DNAH11: variants seen among roughly 807,000 people sequenced by gnomAD.
DNAH11 encodes the protein axonemal beta dynein heavy chain 11.
Under a neutral mutation model 526.0 loss-of-function variants are expected in DNAH11, and 442 were observed. The ratio of observed to expected loss-of-function variants is 0.84; its 90% CI spans 0.78 to 0.91. The LOEUF (loss-of-function observed/expected upper bound fraction) is 0.91. DNAH11 is among the 40% of genes least tolerant of loss of function. The pLI is 0.00. For missense variants in DNAH11, 6,989 were observed against 5,448.7 expected (o/e 1.28, Z -8.90); for synonymous variants, 2,461 against 1,935.9 (o/e 1.27, Z -7.12).
At chr7:21,777,174 T>A (rs1025273671) in intron 56 of DNAH11, among the ~76,000 whole-genome samples, 2 of 152,222 alleles carry the variant, frequency 1.3e-5, no homozygotes, top group South Asian at 2.1e-4. Flanking sequence ...AAAAATGCTA[T>A]ACAAATATGT....
At chr7:21,884,952 A>G (rs536227192) in intron 76 of DNAH11, among the ~76,000 whole-genome samples, 40 of 152,102 alleles carry the variant, frequency 2.6e-4, no homozygotes, top group Non-Finnish European at 3.8e-4. Context: ...AATGTGGTCA[A>G]TATGTATGTG....
At chr7:21,797,734 T>G (rs563582630) in intron 61 of DNAH11, among the ~76,000 whole-genome samples, 4 of 152,314 alleles carry the variant, frequency 2.6e-5, no homozygotes, top group African/African-American at 9.6e-5. Flanking sequence ...TAGTACTTAT[T>G]CCTGGTGAAC....
At chr7:21,570,439 C>T in intron 7 of DNAH11, 140 bp downstream of exon 7, 1 of 652,794 alleles carries the variant, frequency 1.5e-6, no homozygotes, top group Non-Finnish European at 2.5e-6. Flanking sequence ...AGGAGCTCAG[C>T]AGGCCAATGC....
In DNAH11 at chr7:21,543,408, C is replaced by G; in HGVS notation, c.163C>G (p.Gln55Glu). 1 of 1,553,876 alleles carries G rather than the reference C, an allele frequency of 6.4e-7. No individual in the cohort carries two copies. The highest frequency in any genetic ancestry group is 8.7e-7 in the Non-Finnish European group (1 of 1,148,028). The change falls in exon 1 of 82, where the codon CAA becomes GAA. Residue 55 changes from glutamine to glutamate, a missense_variant. By Grantham distance (29) the Gln-to-Glu change is conservative. Coordinates refer to ENST00000409508, the MANE Select transcript of DNAH11 (RefSeq NM_001277115.2). ...AAARRARSFA[Q>E]DARVRFLGGR... ...GGCCAGGAGAGCGCGGAGTTTCGCC[C>G]AAGACGCGCGGGTGCGCTTCCTCGG...
intron 65 of DNAH11, among the ~76,000 whole-genome samples, chr7:21,837,414 T>A (rs1407537430): frequency 6.6e-6 from 1 of 152,190 alleles, no homozygotes. Context: ...AATAAAATCC[T>A]GTAATTTGTG....
chr7:21,691,167 AT>A lies in DNAH11; in HGVS notation c.6041+296del, dbSNP rs939874805. ...TTTATTATAAACATAATCTTTCATA[AT>A]TTTTTTTTTCTTTTTTTTTTTTTAA... On this transcript the variant is annotated intron_variant, in intron 35 of 81. Transcript: ENST00000409508. Among the ~76,000 whole-genome samples, 357 of 121,850 alleles carry A rather than the reference AT, an allele frequency of 2.9e-3. 1 individual carries two copies. The highest frequency in any genetic ancestry group is 0.019 in the Middle Eastern group (5 of 260). The allele number at this position is 121,850 out of a possible 152,430, so 79.9% of individuals were successfully genotyped here. A position where few individuals can be genotyped will look rare whatever the true frequency, so the allele number is the denominator to read the frequency against.
intron 66 of DNAH11, among the ~76,000 whole-genome samples, chr7:21,843,160 C>T (rs1361493082): frequency 6.6e-6 from 1 of 152,038 alleles, no homozygotes; most frequent in Non-Finnish European, 1.5e-5. Flanking sequence ...ACATTCATGG[C>T]CTTAAGTATA....
chr7:21,638,953 A>C lies in DNAH11; in HGVS notation c.4832A>C (p.Glu1611Ala). 6.2e-7 allele frequency: 1 copy of C among 1,609,774 alleles called. No individual in the cohort carries two copies. The highest frequency in any genetic ancestry group is 2.2e-5 in the East Asian group (1 of 44,840). Reference sequence around the variant, plus strand: ...CATTCATGTAGGCTTTCTCTTTGTGAAAAAGCTCTCGCTGAATACCTGGAA... The same window carrying C: ...CATTCATGTAGGCTTTCTCTTTGTGCAAAAGCTCTCGCTGAATACCTGGAA... Reference protein sequence around the residue: ...KDLQSRLSLCEKALAEYLETK... With the variant: ...KDLQSRLSLCAKALAEYLETK... Residue 1611 changes from glutamate to alanine, a missense_variant, in exon 28 of 82, where the codon GAA becomes GCA. By Grantham distance (107) the Glu-to-Ala change is moderately radical (BLOSUM62 -1). Transcript: ENST00000409508.
intron 54 of DNAH11, among the ~76,000 whole-genome samples, chr7:21,754,330 G>T (rs1288588348): frequency 6.6e-6 from 1 of 151,940 alleles, no homozygotes; most frequent in Non-Finnish European, 1.5e-5. Context: ...TTCTCCCTTG[G>T]ACTTACTAAT....
At chr7:21,599,292 A>G (rs1784982301) in intron 14 of DNAH11, among the ~76,000 whole-genome samples, 1 of 152,210 alleles carries the variant, frequency 6.6e-6, no homozygotes, top group African/African-American at 2.4e-5. Flanking sequence ...ACTTTAATAG[A>G]ATAGGTACAT....
At position 21,866,534 on chromosome 7, in the gene DNAH11, G is replaced by C; in HGVS notation, c.11561G>C (p.Trp3854Ser). 3 of 1,613,920 alleles carry C rather than the reference G, an allele frequency of 1.9e-6. No homozygotes were observed. The highest frequency in any genetic ancestry group is 2.5e-6 in the Non-Finnish European group (3 of 1,179,880). Residue 3854 changes from tryptophan to serine, a missense_variant, in exon 71 of 82, where the codon TGG (tryptophan) becomes TCG (serine). Physicochemically the swap from Trp to Ser is radical, Grantham distance 177. Transcript: ENST00000409508. The stretch of plus-strand genomic sequence containing the variant: ...GATGTGGAAGGATCTGCCAAGCAGT[G>C]GAGGAAGTGGGTAGAATCCGAGTGT... ...DRDVEGSAKQ[W>S]RKWVESECPE...
chr7:21,566,244 A>C (rs1783662496), intron 6 of DNAH11, among the ~76,000 whole-genome samples: 1 of 152,144 alleles, frequency 6.6e-6, no homozygotes, highest in African/African-American at 2.4e-5. Context: ...CAACAGCCAG[A>C]GTCTGCCAAG....
At chr7:21,635,820 C>CA in intron 25 of DNAH11, 51 bp from the exon 26 acceptor site, 1 of 1,469,190 alleles carries the variant, frequency 6.8e-7, no homozygotes, top group Admixed American at 2.0e-5. Context: ...TCATAGCACT[C>CA]ACATTCTACT....
chr7:21,581,988 C>T lies in DNAH11; in HGVS notation c.1677C>T (p.Phe559=), dbSNP rs771371993. 2.5e-6 allele frequency: 4 copies of T among 1,612,990 alleles called. No homozygotes were observed. Among genetic ancestry groups the T allele is most frequent in the Non-Finnish European group, 3.4e-6 (4 of 1,179,286 alleles). The change falls in exon 9 of 82, where the codon TTC becomes TTT. Residue 559 remains phenylalanine, a synonymous_variant. Coordinates refer to ENST00000409508, the MANE Select transcript of DNAH11 (RefSeq NM_001277115.2). ...RRLGTIICEA[F]FNCNGLEAAF... ...TTGGGACAATTATTTGTGAAGCTTTCTTTAACTGCAATGGCTTAGAAGCTG... is the reference window on the plus strand; with the variant it reads ...TTGGGACAATTATTTGTGAAGCTTTTTTTAACTGCAATGGCTTAGAAGCTG...
chr7:21,594,198 CAT>C (rs955733572), intron 14 of DNAH11, among the ~76,000 whole-genome samples: 4 of 152,064 alleles, frequency 2.6e-5, no homozygotes. Flanking sequence ...TGAATTTTCT[CAT>C]GTGTAAAATG....
intron 55 of DNAH11, among the ~76,000 whole-genome samples, chr7:21,770,080 C>T (rs188211129): frequency 3.5e-4 from 54 of 152,278 alleles, no homozygotes; most frequent in African/African-American, 1.2e-3. Context: ...CTTGTTGCTG[C>T]CCTGTGTAAT....
intron 76 of DNAH11, among the ~76,000 whole-genome samples, chr7:21,891,791 G>A (rs1360541906): frequency 6.6e-6 from 1 of 152,152 alleles, no homozygotes; most frequent in Non-Finnish European, 1.5e-5. Flanking sequence ...GTAGCTCAAA[G>A]TCCTGGGAAG....
rs115012115 is a variant in DNAH11 at position 21,801,362 on chromosome 7, T to A, written c.10165+87T>A. ...TTATTTGCCATCAATAATAACTAAATAGACATGGAATTAACAACAAAGGAT... is the reference window on the plus strand; with the variant it reads ...TTATTTGCCATCAATAATAACTAAAAAGACATGGAATTAACAACAAAGGAT... On this transcript the variant is annotated intron_variant, in intron 62 of 81. Transcript: ENST00000409508. 4,374 of 1,518,660 alleles carry A rather than the reference T, an allele frequency of 2.9e-3. 97 individuals are homozygous for A. The African/African-American group carries it at 0.052, about 18-fold the overall frequency. The allele number at this position is 1,518,660 out of a possible 1,614,324, so 94.1% of individuals were successfully genotyped here.
intron 35 of DNAH11, among the ~76,000 whole-genome samples, chr7:21,692,230 A>T (rs1411339533): frequency 6.6e-6 from 1 of 152,224 alleles, no homozygotes; most frequent in Non-Finnish European, 1.5e-5. Context: ...GATAGTAAAA[A>T]CATTCAGGTA....
Sources: gnomAD v4.1 joint callset for allele counts (sites outside exome capture counted in the v4.1 genomes callset) on GRCh38, gnomAD v4.1.1 for gene constraint, MANE v1.5 for transcripts, NCBI Gene and HGNC (gene_info 2026-07-23, HGNC 2026-07-21) for gene names.